The following IP6K1 variants were observed in gnomAD, a reference collection of about 807,000 sequenced individuals.
IP6K1 encodes the protein inositol hexakisphosphate kinase 1.
Under a neutral mutation model 38.3 loss-of-function variants are expected in IP6K1, and 13 were observed. The observed-to-expected ratio is 0.34, with a 90% CI of 0.22 to 0.54. IP6K1 has a LOEUF of 0.54. Among genes scored for constraint, IP6K1 ranks in the 20% least tolerant of loss-of-function variants. IP6K1 has a pLI of 0.92. For missense variants in IP6K1, 397 were observed against 599.8 expected (o/e 0.66, Z 3.53); for synonymous variants, 212 against 229.9 (o/e 0.92, Z 0.70).
At chr3:49,762,109 G>A (rs531134933) in intron 1 of IP6K1, among the ~76,000 whole-genome samples, 28 of 152,116 alleles carry the variant, frequency 1.8e-4, no homozygotes, top group Non-Finnish European at 3.7e-4. Flanking sequence ...GCACCACCAT[G>A]CCCAGATAAT....
chr3:49,738,508 C>G, intron 2 of IP6K1, 86 bp from the exon 3 acceptor site: 3 of 1,022,446 alleles, frequency 2.9e-6, no homozygotes, highest in Non-Finnish European at 4.6e-6. Context: ...CTTTCCCACA[C>G]AGCATGAAGA....
At chr3:49,729,968 T>C (rs1265177628) in intron 4 of IP6K1, among the ~76,000 whole-genome samples, 2 of 151,760 alleles carry the variant, frequency 1.3e-5, no homozygotes, top group African/African-American at 4.8e-5. Flanking sequence ...TCTCAGCTCA[T>C]TGCAACCTCT....
chr3:49,743,157 T>C (rs186867950), intron 2 of IP6K1, among the ~76,000 whole-genome samples: 3 of 150,624 alleles, frequency 2.0e-5, no homozygotes, highest in Admixed American at 1.3e-4. Context: ...GAGGTAGAGG[T>C]TGCAGTGAGC....
chr3:49,745,586 G>A (rs1355992109), intron 2 of IP6K1, among the ~76,000 whole-genome samples: 3 of 152,204 alleles, frequency 2.0e-5, no homozygotes, highest in Non-Finnish European at 4.4e-5. Context: ...CAGGCATGGT[G>A]GCACATGACT....
chr3:49,771,935 C>T (rs965442098), intron 1 of IP6K1, among the ~76,000 whole-genome samples: 1 of 152,028 alleles, frequency 6.6e-6, no homozygotes, highest in Admixed American at 6.6e-5. Flanking sequence ...CAAGAGTGGC[C>T]AGGCGTGGTG....
At chr3:49,774,231 C>A (rs1313802959) in intron 1 of IP6K1, among the ~76,000 whole-genome samples, 4 of 151,112 alleles carry the variant, frequency 2.6e-5, no homozygotes, top group African/African-American at 4.9e-5. Context: ...ATGGTGAAAC[C>A]CCATCTCTAC....
chr3:49,765,896 G>T (rs529022404), intron 1 of IP6K1, among the ~76,000 whole-genome samples: 13 of 151,816 alleles, frequency 8.6e-5, no homozygotes, highest in South Asian at 4.2e-4. Flanking sequence ...AACACACAAA[G>T]CCAGGCGCGG....
At chr3:49,771,202 A>C (rs1212568093) in intron 1 of IP6K1, among the ~76,000 whole-genome samples, 4 of 150,148 alleles carry the variant, frequency 2.7e-5, no homozygotes, top group Non-Finnish European at 5.9e-5. Flanking sequence ...AAAAAAAAAA[A>C]AAAAAAAAAA....
At chr3:49,766,983 A>G (rs1380832509) in intron 1 of IP6K1, among the ~76,000 whole-genome samples, 1 of 148,838 alleles carries the variant, frequency 6.7e-6, no homozygotes, top group African/African-American at 2.4e-5. Flanking sequence ...AAAAAAAAAA[A>G]AAAAGAAAGA....
At chr3:49,742,597 G>C (rs1341042873) in intron 2 of IP6K1, among the ~76,000 whole-genome samples, 1 of 151,708 alleles carries the variant, frequency 6.6e-6, no homozygotes, top group Non-Finnish European at 1.5e-5. Context: ...GATATTATTA[G>C]TCAAATTAAT....
intron 1 of IP6K1, among the ~76,000 whole-genome samples, chr3:49,781,064 G>GTTT (rs776908144): frequency 1.7e-4 from 18 of 106,646 alleles, no homozygotes; most frequent in East Asian, 8.5e-4. Context: ...AAACAAAAAA[G>GTTT]ATTTTTTTTT....
intron 2 of IP6K1, among the ~76,000 whole-genome samples, chr3:49,745,405 T>C (rs1375088814): frequency 6.6e-6 from 1 of 152,148 alleles, no homozygotes. Flanking sequence ...TCCTAAAAAC[T>C]GGTTCACCTC....
intron 1 of IP6K1, among the ~76,000 whole-genome samples, chr3:49,749,493 AAGTATT>A (rs1447958560): frequency 1.3e-5 from 2 of 152,206 alleles, no homozygotes; most frequent in Non-Finnish European, 2.9e-5. Context: ...AAAAAAGAAA[AAGTATT>A]AGTAGAGCAG....
rs2080739012 is a variant in IP6K1, at chr3:49,748,104, C to T, written c.-64G>A. ...CAGCACATGGGCCACAAAAGGAGAG[C>T]TACATAGAAGGTCCTGGCCAGGTGA... On this transcript the variant is annotated 5_prime_UTR_variant, in exon 2 of 6. It removes the in-frame stop codon of an upstream open reading frame in the 5' UTR. Coordinates refer to ENST00000321599, the MANE Select transcript of IP6K1 (RefSeq NM_153273.4). 4.5e-6 allele frequency: 7 copies of T among 1,569,308 alleles called. No individual in the cohort carries two copies. Among genetic ancestry groups the T allele is most frequent in the Non-Finnish European group, 6.1e-6 (7 of 1,143,194 alleles).
rs1490083634 is a variant in IP6K1 at position 49,746,515 on chromosome 3, CA to C, written c.223+1302del. ...TGAAACCCTGTCTCTACTAAAAATA[CA>C]AAAAATAGCTGGGCGTGGTGGCACA... On this transcript the variant is annotated intron_variant, in intron 2 of 5. Coordinates refer to ENST00000321599, the MANE Select transcript of IP6K1 (RefSeq NM_153273.4). Among the ~76,000 whole-genome samples, 3 of 146,406 alleles carry C rather than the reference CA, an allele frequency of 2.0e-5. No homozygotes were observed. The Admixed American group carries it at 2.1e-4, about 10-fold the overall frequency.
chr3:49,762,675 A>G (rs1050786268), intron 1 of IP6K1, among the ~76,000 whole-genome samples: 1 of 152,212 alleles, frequency 6.6e-6, no homozygotes, highest in Non-Finnish European at 1.5e-5. Context: ...GAATTCTATC[A>G]AACTTTTAAG....
intron 1 of IP6K1, among the ~76,000 whole-genome samples, chr3:49,763,305 C>T (rs1178231812): frequency 1.3e-5 from 2 of 151,458 alleles, no homozygotes; most frequent in Admixed American, 1.3e-4. Context: ...CGGGGTTTCG[C>T]CGTGTTAGCC....
At chr3:49,780,837 G>A (rs2081059171) in intron 1 of IP6K1, among the ~76,000 whole-genome samples, 2 of 152,172 alleles carry the variant, frequency 1.3e-5, no homozygotes, top group South Asian at 4.1e-4. Flanking sequence ...AGGCAAGGCA[G>A]GGTGGAGGCA....
intron 4 of IP6K1, chr3:49,728,490 G>A: frequency 3.6e-6 from 2 of 558,800 alleles, no homozygotes; most frequent in Non-Finnish European, 6.4e-6. Flanking sequence ...CCATTTTTAA[G>A]TGTACAATTC....
Sources: gnomAD v4.1 joint callset for allele counts (sites outside exome capture counted in the v4.1 genomes callset) on GRCh38, gnomAD v4.1.1 for gene constraint, MANE v1.5 for transcripts, NCBI Gene and HGNC (gene_info 2026-07-23, HGNC 2026-07-21) for gene names.